Variants in THSD4 observed in about 807,000 individuals in gnomAD.
THSD4 encodes thrombospondin type-1 domain-containing protein 4.
In THSD4, 69 loss-of-function variants were observed where a neutral mutation model predicts 119.0. That is an observed-to-expected ratio of 0.58 (90% CI 0.48 to 0.71). The LOEUF (loss-of-function observed/expected upper bound fraction) is 0.71. Among genes scored for constraint, THSD4 ranks in the 30% least tolerant of loss-of-function variants. The pLI, the probability that THSD4 is intolerant of heterozygous loss-of-function variation, is 0.00. For missense variants in THSD4, 1,393 were observed against 1,391.1 expected, an observed-to-expected ratio of 1.00 and a Z score of -0.02; for synonymous variants, 524 against 540.4, an observed-to-expected ratio of 0.97 and a Z score of 0.42.
rs533580159 is a variant in THSD4 at position 71,672,729 on chromosome 15, G to C, written c.1357+11995G>C. 2.3e-3 allele frequency among the ~76,000 whole-genome samples: 355 copies of C among 152,266 alleles called. 4 individuals carry two copies. The highest frequency in any genetic ancestry group is 0.018 in the South Asian group (86 of 4,812). ...TTGAATTTTGTCAAAGGCCTTTTCT[G>C]CATCTATTGAGATAATCATGTGGTT... is the stretch of plus-strand genomic sequence containing the variant. On this transcript the variant is annotated intron_variant, in intron 8 of 17. Transcript: ENST00000261862.
intron 7 of THSD4, among the ~76,000 whole-genome samples, chr15:71,550,489 T>C (rs1051775571): frequency 6.6e-6 from 1 of 152,182 alleles, no homozygotes; most frequent in African/African-American, 2.4e-5. Flanking sequence ...CAGACTGGAG[T>C]GCAGTGGCAC....
intron 7 of THSD4, among the ~76,000 whole-genome samples, chr15:71,464,306 G>T (rs755215490): frequency 6.6e-6 from 1 of 152,304 alleles, no homozygotes; most frequent in East Asian, 1.9e-4. Context: ...TTAGAAAGGC[G>T]GTGGGTGGCC....
intron 7 of THSD4, among the ~76,000 whole-genome samples, chr15:71,616,465 A>G (rs2050320473): frequency 6.6e-6 from 1 of 152,208 alleles, no homozygotes; most frequent in African/African-American, 2.4e-5. Flanking sequence ...TAGGGTTCCA[A>G]TCCAAAGAGG....
At chr15:71,386,687 C>G (rs970380578) in intron 6 of THSD4, among the ~76,000 whole-genome samples, 34 of 152,136 alleles carry the variant, frequency 2.2e-4, no homozygotes, top group Non-Finnish European at 5.0e-4. Context: ...GCTTCGCTTT[C>G]TAAAACATGA....
At chr15:71,518,106 A>C (rs1450468392) in intron 7 of THSD4, among the ~76,000 whole-genome samples, 4 of 152,184 alleles carry the variant, frequency 2.6e-5, no homozygotes, top group Non-Finnish European at 5.9e-5. Context: ...TGCTCTGGGG[A>C]ACATATGTGC....
chr15:71,147,384 T>A (rs1053484024), intron 2 of THSD4, among the ~76,000 whole-genome samples: 12 of 152,014 alleles, frequency 7.9e-5, no homozygotes, highest in Non-Finnish European at 1.3e-4. Flanking sequence ...TTAAAAAAAA[T>A]TTTTTTGTAG....
intron 7 of THSD4, among the ~76,000 whole-genome samples, chr15:71,465,554 G>A (rs994749959): frequency 6.6e-6 from 1 of 152,172 alleles, no homozygotes; most frequent in African/African-American, 2.4e-5. Context: ...AAAGGAAAGA[G>A]GATCATTATT....
intron 1 of THSD4, among the ~76,000 whole-genome samples, chr15:71,120,045 G>A (rs931538936): frequency 1.3e-5 from 2 of 152,156 alleles, no homozygotes; most frequent in African/African-American, 4.8e-5. Flanking sequence ...GAGACAATTG[G>A]AGCTCAATGT....
chr15:71,131,145 TC>T (rs1227496649), intron 1 of THSD4, among the ~76,000 whole-genome samples: 1 of 152,202 alleles, frequency 6.6e-6, no homozygotes, highest in Admixed American at 6.5e-5. Flanking sequence ...AGTTTATTCA[TC>T]TTTGAATCAT....
At chr15:71,506,208 C>A (rs1474301277) in intron 7 of THSD4, among the ~76,000 whole-genome samples, 3 of 152,140 alleles carry the variant, frequency 2.0e-5, no homozygotes, top group African/African-American at 7.2e-5. Flanking sequence ...TGATCTAGAT[C>A]TTAGGAATCA....
chr15:71,589,992 A>G lies in THSD4; in HGVS notation c.1153-70538A>G, dbSNP rs2049763564. On this transcript the variant is annotated intron_variant, in intron 7 of 17. Coordinates refer to ENST00000261862, the MANE Select transcript of THSD4 (RefSeq NM_024817.3). The stretch of plus-strand genomic sequence containing the variant: ...TATCATTTACAGAAACTTTTTAAAA[A>G]TGTAAAACAATACCATCAATCATTT... 1.4e-5 allele frequency among the ~76,000 whole-genome samples: 2 copies of G among 139,944 alleles called. 1 individual carries two copies. Among genetic ancestry groups the G allele is most frequent in the Non-Finnish European group, 3.3e-5 (2 of 61,430 alleles). 91.8% of individuals were successfully genotyped at this position (139,944 alleles called of 152,430 possible).
chr15:71,713,877 A>C (rs2052559506), intron 8 of THSD4, among the ~76,000 whole-genome samples: 2 of 152,160 alleles, frequency 1.3e-5, no homozygotes, highest in Admixed American at 1.3e-4. Context: ...AAACCTAAAA[A>C]AAATTGTACT....
At chr15:71,241,927 A>C (rs1011865936) in intron 4 of THSD4, among the ~76,000 whole-genome samples, 2 of 152,256 alleles carry the variant, frequency 1.3e-5, no homozygotes, top group African/African-American at 4.8e-5. Flanking sequence ...TTAGCTCATC[A>C]ACTGTCATTA....
At chr15:71,157,883 T>G (rs543185296) in intron 3 of THSD4, among the ~76,000 whole-genome samples, 3 of 152,048 alleles carry the variant, frequency 2.0e-5, no homozygotes, top group Non-Finnish European at 4.4e-5. Context: ...TCTGTTCATT[T>G]GTTGTTGGAC....
At chr15:71,596,984 G>T (rs969445045) in intron 7 of THSD4, among the ~76,000 whole-genome samples, 2 of 152,190 alleles carry the variant, frequency 1.3e-5, no homozygotes, top group African/African-American at 4.8e-5. Flanking sequence ...GCTGGGTGAG[G>T]CAAAGGGGAG....
chr15:71,403,009 A>G (rs2046557850), intron 6 of THSD4, among the ~76,000 whole-genome samples: 1 of 152,160 alleles, frequency 6.6e-6, no homozygotes, highest in African/African-American at 2.4e-5. Flanking sequence ...TGAAATCTCA[A>G]TATCTCAAAA....
intron 7 of THSD4, among the ~76,000 whole-genome samples, chr15:71,507,117 C>T (rs930832885): frequency 9.2e-5 from 14 of 152,180 alleles, no homozygotes; most frequent in African/African-American, 3.4e-4. Context: ...CCTCGGGCTG[C>T]CCCCAGGGGA....
intron 7 of THSD4, among the ~76,000 whole-genome samples, chr15:71,570,288 T>C (rs2049323939): frequency 6.6e-6 from 1 of 152,184 alleles, no homozygotes; most frequent in Non-Finnish European, 1.5e-5. Flanking sequence ...ACTTAATTGC[T>C]CACAACAACC....
intron 7 of THSD4, among the ~76,000 whole-genome samples, chr15:71,619,691 A>C (rs2050386568): frequency 6.6e-6 from 1 of 152,152 alleles, no homozygotes. Context: ...CATTATATTC[A>C]AACATGTAAC....
Sources: gnomAD v4.1 joint callset for allele counts (sites outside exome capture counted in the v4.1 genomes callset) on GRCh38, gnomAD v4.1.1 for gene constraint, MANE v1.5 for transcripts, NCBI Gene and HGNC (gene_info 2026-07-23, HGNC 2026-07-21) for gene names.